The following ANO10 variants were observed in gnomAD, a reference collection of about 807,000 sequenced individuals.
ANO10 encodes the protein anoctamin-10.
Under a neutral mutation model 74.7 loss-of-function variants are expected in ANO10, and 77 were observed. The ratio of observed to expected loss-of-function variants is 1.03; its 90% CI spans 0.86 to 1.25. ANO10 has a LOEUF of 1.25. ANO10 is among the 50% of genes most tolerant of loss of function. The pLI is 0.00. For missense variants in ANO10, 721 were observed against 778.1 expected (o/e 0.93, Z 0.87); for synonymous variants, 279 against 284.9 (o/e 0.98, Z 0.21).
chr3:43,474,567 C>G (rs1245702008), intron 11 of ANO10, among the ~76,000 whole-genome samples: 1 of 151,974 alleles, frequency 6.6e-6, no homozygotes, highest in Non-Finnish European at 1.5e-5. Context: ...TAAAACAGCT[C>G]TTTGATGTTT....
chr3:43,466,541 C>A (rs572386858), intron 11 of ANO10, among the ~76,000 whole-genome samples: 1 of 152,142 alleles, frequency 6.6e-6, no homozygotes, highest in South Asian at 2.1e-4. Context: ...AAACAAACGA[C>A]TAGAGTAACA....
chr3:43,559,324 A>G (rs533517568), intron 9 of ANO10, among the ~76,000 whole-genome samples: 2 of 152,344 alleles, frequency 1.3e-5, no homozygotes, highest in Non-Finnish European at 2.9e-5. Context: ...CCATCTTCAG[A>G]AGATTATGAA....
At chr3:43,505,432 T>G in intron 11 of ANO10, among the ~76,000 whole-genome samples, 1 of 152,224 alleles carries the variant, frequency 6.6e-6, no homozygotes, top group East Asian at 1.9e-4. Context: ...GTAAATCGAC[T>G]AAGAAGCATG....
In ANO10 at chr3:43,464,873, T is replaced by C. The variant is rs533178322; in HGVS notation, c.1798-32146A>G. ...AATTTCCTCAATCTTAAAAAGATAC[T>C]GAGAAAGAGAGTCACTAACATCATA... On this transcript the variant is annotated intron_variant, in intron 11 of 12. Coordinates refer to ENST00000292246, the MANE Select transcript of ANO10 (RefSeq NM_018075.5). 2.6e-5 allele frequency among the ~76,000 whole-genome samples: 4 copies of C among 152,268 alleles called. No homozygotes were observed. The South Asian group carries it at 8.3e-4, about 32-fold the overall frequency.
chr3:43,373,108 C>G (rs774168669), intron 12 of ANO10, among the ~76,000 whole-genome samples: 1 of 152,032 alleles, frequency 6.6e-6, no homozygotes, highest in Non-Finnish European at 1.5e-5. Flanking sequence ...AGCTACCTGC[C>G]CTGGTAACAA....
At chr3:43,419,153 G>A (rs748921420) in intron 12 of ANO10, among the ~76,000 whole-genome samples, 10 of 152,254 alleles carry the variant, frequency 6.6e-5, no homozygotes, top group Non-Finnish European at 1.3e-4. Flanking sequence ...CAACATGGCA[G>A]CTAGCTTCGC....
In ANO10 at chr3:43,687,910, G is replaced by A. The variant is rs558340910; in HGVS notation, c.-12+3607C>T. ...AGAAGACACAGTCCAAGGGTTCCAG[G>A]GTGGCACGGTGGTCAGGATAGAGTT... On this transcript the variant is annotated intron_variant, in intron 1 of 3. Coordinates refer to the ANO10 transcript ENST00000413397. Among the ~76,000 whole-genome samples, 3 of 152,272 alleles carry A rather than the reference G, an allele frequency of 2.0e-5. No homozygotes were observed. In the East Asian group the frequency reaches 5.8e-4, roughly 29 times the overall value.
intron 11 of ANO10, among the ~76,000 whole-genome samples, chr3:43,502,472 G>A (rs2077134441): frequency 6.6e-6 from 1 of 152,094 alleles, no homozygotes; most frequent in Non-Finnish European, 1.5e-5. Flanking sequence ...CTCACCATGT[G>A]ATCTCTACAC....
chr3:43,642,438 T>C (rs1376696323), intron 1 of ANO10, among the ~76,000 whole-genome samples: 1 of 152,212 alleles, frequency 6.6e-6, no homozygotes, highest in Admixed American at 6.5e-5. Flanking sequence ...CCATTATGAG[T>C]GTATAATTAA....
intron 12 of ANO10, among the ~76,000 whole-genome samples, chr3:43,420,321 C>G (rs2092800975): frequency 6.6e-6 from 1 of 152,040 alleles, no homozygotes; most frequent in Non-Finnish European, 1.5e-5. Flanking sequence ...TGGCGCACAC[C>G]TGTAGTCCCA....
chr3:43,532,583 A>C (rs548498041), intron 11 of ANO10, among the ~76,000 whole-genome samples: 62 of 152,290 alleles, frequency 4.1e-4, no homozygotes, highest in African/African-American at 1.5e-3. Flanking sequence ...ATATCATATA[A>C]TAAAATTGAC....
At chr3:43,564,051 A>AT (rs113116984) in intron 8 of ANO10, among the ~76,000 whole-genome samples, 2,840 of 148,374 alleles carry the variant, frequency 0.019, 74 homozygotes, top group African/African-American at 0.062. Context: ...ATCATTACAC[A>AT]TTTTTTTTTT....
intron 4 of ANO10, among the ~76,000 whole-genome samples, chr3:43,593,445 G>A (rs907871319): frequency 1.3e-5 from 2 of 152,152 alleles, no homozygotes; most frequent in African/African-American, 4.8e-5. Context: ...AGAGAGTGGG[G>A]GCCAATATTC....
At chr3:43,512,296 G>A (rs1291850630) in intron 11 of ANO10, among the ~76,000 whole-genome samples, 1 of 152,180 alleles carries the variant, frequency 6.6e-6, no homozygotes, top group Non-Finnish European at 1.5e-5. Context: ...CAATATCTCA[G>A]GGACCAGTCA....
chr3:43,445,197 G>A (rs2148978287), intron 11 of ANO10, among the ~76,000 whole-genome samples: 1 of 150,994 alleles, frequency 6.6e-6, no homozygotes, highest in East Asian at 1.9e-4. Flanking sequence ...CAAAACAAAG[G>A]AACCAGAGCT....
At chr3:43,415,998 A>G (rs1030559977) in intron 12 of ANO10, among the ~76,000 whole-genome samples, 11 of 149,964 alleles carry the variant, frequency 7.3e-5, no homozygotes, top group African/African-American at 2.7e-4. Context: ...CATTTTAAAA[A>G]GTGAACTCAG....
At chr3:43,372,019 C>G (rs2091630384) in intron 12 of ANO10, among the ~76,000 whole-genome samples, 2 of 152,320 alleles carry the variant, frequency 1.3e-5, no homozygotes, top group South Asian at 4.1e-4. Context: ...AGCAGCCTGT[C>G]AGGCGGTCCT....
intron 11 of ANO10, among the ~76,000 whole-genome samples, chr3:43,433,893 A>C (rs935924232): frequency 6.6e-6 from 1 of 152,254 alleles, no homozygotes; most frequent in African/African-American, 2.4e-5. Flanking sequence ...AAAAGAAATA[A>C]TTAAAAGGCA....
chr3:43,567,872 A>T (rs1026889845), intron 7 of ANO10, among the ~76,000 whole-genome samples: 2 of 152,220 alleles, frequency 1.3e-5, no homozygotes, highest in African/African-American at 4.8e-5. Context: ...TGCTCCAATT[A>T]AAAGACACAG....
Sources: allele counts gnomAD v4.1 joint callset (sites outside exome capture counted in the v4.1 genomes callset), GRCh38; gene constraint gnomAD v4.1.1; transcripts MANE v1.5; gene names NCBI Gene and HGNC (gene_info 2026-07-23, HGNC 2026-07-21).